Variants in ADAM23 observed in about 807,000 individuals in gnomAD.
ADAM23 encodes the protein ADAM metallopeptidase domain 23, also known as disintegrin and metalloproteinase domain-containing protein 23.
ADAM23 carries 33 observed loss-of-function variants against 120.1 expected under a neutral mutation model. The ratio of observed to expected loss-of-function variants is 0.27; its 90% confidence interval spans 0.21 to 0.37. The LOEUF is 0.37. ADAM23 is among the 10% of genes least tolerant of loss of function. The pLI is 1.00. For missense variants in ADAM23, 862 were observed against 1,058.2 expected, an observed-to-expected ratio of 0.81 and a Z score of 2.57; for synonymous variants, 367 against 375.2, an observed-to-expected ratio of 0.98 and a Z score of 0.25.
At chr2:206,499,545 C>G (rs562224351) in intron 3 of ADAM23, among the ~76,000 whole-genome samples, 12 of 151,162 alleles carry the variant, frequency 7.9e-5, no homozygotes, top group East Asian at 3.9e-4. Flanking sequence ...TGCTAAATGA[C>G]GAGTTAATGG....
At chr2:206,577,240 T>G (rs1031773855) in intron 18 of ADAM23, among the ~76,000 whole-genome samples, 1 of 152,072 alleles carries the variant, frequency 6.6e-6, no homozygotes, top group Non-Finnish European at 1.5e-5. Flanking sequence ...CAATTTAGAA[T>G]AAGGGCATTT....
At chr2:206,606,570 G>A (rs774241413) in intron 24 of ADAM23, 1 of 152,124 alleles carries the variant, frequency 6.6e-6, no homozygotes, top group African/African-American at 2.4e-5. Flanking sequence ...TGGTGGGTTC[G>A]TCTTAAAAGT....
chr2:206,481,905 G>C (rs143144851), intron 3 of ADAM23, among the ~76,000 whole-genome samples: 5 of 152,318 alleles, frequency 3.3e-5, no homozygotes, highest in Admixed American at 1.3e-4. Flanking sequence ...GTGTGAACAA[G>C]AGCTGTTGAC....
chr2:206,528,767 G>A (rs938371436), intron 3 of ADAM23, among the ~76,000 whole-genome samples: 1 of 152,210 alleles, frequency 6.6e-6, no homozygotes, highest in African/African-American at 2.4e-5. Context: ...AATAGGGCAT[G>A]AGCTGAGGAA....
intron 3 of ADAM23, among the ~76,000 whole-genome samples, chr2:206,481,575 A>C (rs929423001): frequency 6.6e-6 from 1 of 152,232 alleles, no homozygotes; most frequent in East Asian, 1.9e-4. Flanking sequence ...AGTTAATTAA[A>C]TGTTAATTAT....
At chr2:206,536,254 A>G (rs1697173638) in intron 4 of ADAM23, among the ~76,000 whole-genome samples, 1 of 152,190 alleles carries the variant, frequency 6.6e-6, no homozygotes, top group South Asian at 2.1e-4. Context: ...GAAATAAGCC[A>G]GACACAGAAA....
At chr2:206,529,915 G>A (rs780642077) in intron 3 of ADAM23, among the ~76,000 whole-genome samples, 2 of 151,924 alleles carry the variant, frequency 1.3e-5, no homozygotes, top group South Asian at 2.1e-4. Flanking sequence ...GAGTTCAAGC[G>A]ATTCTTCTGC....
At chr2:206,544,813 C>T (rs1269439851) in intron 6 of ADAM23, among the ~76,000 whole-genome samples, 3 of 152,010 alleles carry the variant, frequency 2.0e-5, no homozygotes, top group East Asian at 1.9e-4. Flanking sequence ...GGGATTTCAC[C>T]GTGTTAGCCA....
intron 24 of ADAM23, among the ~76,000 whole-genome samples, chr2:206,598,509 A>T (rs1417916348): frequency 6.6e-6 from 1 of 151,454 alleles, no homozygotes; most frequent in Non-Finnish European, 1.5e-5. Context: ...CACTACCTTT[A>T]AAAAAAAATA....
intron 3 of ADAM23, among the ~76,000 whole-genome samples, chr2:206,492,329 C>T (rs1408608681): frequency 1.3e-5 from 2 of 151,938 alleles, no homozygotes; most frequent in Non-Finnish European, 2.9e-5. Flanking sequence ...AAGCAAGAAA[C>T]TTGGGACATG....
chr2:206,506,102 C>T lies in ADAM23; in HGVS notation c.510-24783C>T, dbSNP rs1223856604. 2.6e-5 allele frequency among the ~76,000 whole-genome samples: 4 copies of T among 152,118 alleles called. No homozygotes were observed. In the East Asian group the frequency reaches 5.8e-4, roughly 22 times the overall value. The stretch of plus-strand genomic sequence containing the variant: ...TAAAGTCTAGAGTTCTCAGACAAGA[C>T]AAAATAATTTATTTCCTGTTAAATT... On this transcript the variant is annotated intron_variant, in intron 3 of 25. Coordinates refer to ENST00000264377, the MANE Select transcript of ADAM23 (RefSeq NM_003812.4).
Position 206,596,145 on chromosome 2 carries a change from A to G in ADAM23, c.2342A>G (p.Lys781Arg). Residue 781 changes from lysine (K) to arginine (R), a missense_variant, in exon 24 of 26, where the codon AAG becomes AGG. Coordinates refer to ENST00000264377, the MANE Select transcript of ADAM23 (RefSeq NM_003812.4). ...RDPVRNLHPP[K>R]DEGPKGPSAT... Reference sequence around the variant, plus strand: ...CCAGTTAGGAACCTTCACCCCCCCAAGGATGAAGGACCCAAGGGTTTGTGT... The same window carrying G: ...CCAGTTAGGAACCTTCACCCCCCCAGGGATGAAGGACCCAAGGGTTTGTGT... 6.2e-7 allele frequency: 1 copy of G among 1,613,852 alleles called. No homozygotes were observed. The highest frequency in any genetic ancestry group is 8.5e-7 in the Non-Finnish European group (1 of 1,179,828).
intron 3 of ADAM23, among the ~76,000 whole-genome samples, chr2:206,508,517 G>A (rs577960711): frequency 4.6e-5 from 7 of 151,972 alleles, no homozygotes; most frequent in East Asian, 2.0e-4. Flanking sequence ...TTAGCCGGGC[G>A]TGGTGGCTCA....
rs867475428 is a variant in ADAM23, at chr2:206,443,923, C to G, written c.57C>G (p.Ala19=). ...CGCCCCTGGCGGGCTGCAGCCTTGC[C>G]GGCGCTTCCTGCGGCCCCCAACGCG... is the stretch of plus-strand genomic sequence containing the variant. ...RQPPLAGCSL[A]GASCGPQRGP... The change falls in exon 1 of 26, where the codon GCC becomes GCG. Residue 19 remains alanine, a synonymous_variant. Coordinates refer to ENST00000264377, the MANE Select transcript of ADAM23 (RefSeq NM_003812.4). The G allele has an allele frequency of 1.6e-6, 2 of 1,226,108 alleles. No homozygotes were observed. The highest frequency in any genetic ancestry group is 2.0e-6 in the Non-Finnish European group (2 of 987,426). The allele number at this position is 1,226,108 out of a possible 1,614,324, so 76.0% of individuals were successfully genotyped here. A position where few individuals can be genotyped will look rare whatever the true frequency, so the allele number is the denominator to read the frequency against.
intron 2 of ADAM23, among the ~76,000 whole-genome samples, chr2:206,447,336 C>G (rs1377775874): frequency 1.3e-5 from 2 of 152,196 alleles, no homozygotes; most frequent in Non-Finnish European, 2.9e-5. Context: ...TAGTTTAACT[C>G]TATAAACATT....
intron 7 of ADAM23, 82 bp from the exon 8 acceptor site, chr2:206,548,199 A>G: frequency 7.8e-7 from 1 of 1,288,200 alleles, no homozygotes; most frequent in African/African-American, 1.5e-5. Flanking sequence ...TATCAGTGCC[A>G]CTGTTTCTTC....
chr2:206,547,524 G>A (rs1462295802), intron 7 of ADAM23, 23 bp downstream of exon 7: 13 of 1,576,182 alleles, frequency 8.2e-6, no homozygotes, highest in South Asian at 1.1e-5. Flanking sequence ...TAAAAATAGC[G>A]ATTATATTTT....
At chr2:206,536,630 A>G (rs905556814) in intron 4 of ADAM23, among the ~76,000 whole-genome samples, 2 of 152,202 alleles carry the variant, frequency 1.3e-5, no homozygotes, top group Non-Finnish European at 2.9e-5. Context: ...AGGTAGAAAT[A>G]AGACATGTTA....
At chr2:206,601,469 C>T (rs916548164) in intron 24 of ADAM23, among the ~76,000 whole-genome samples, 1 of 152,098 alleles carries the variant, frequency 6.6e-6, no homozygotes, top group Non-Finnish European at 1.5e-5. Context: ...TTCCATACTC[C>T]TGTTTTGAAG....
Sources: allele counts gnomAD v4.1 joint callset (sites outside exome capture counted in the v4.1 genomes callset), GRCh38; gene constraint gnomAD v4.1.1; transcripts MANE v1.5; gene names NCBI Gene and HGNC (gene_info 2026-07-23, HGNC 2026-07-21).